The following CDH4 variants were observed in gnomAD, a reference collection of about 807,000 sequenced individuals.
CDH4 encodes the protein cadherin-4.
CDH4 carries 33 observed loss-of-function variants against 86.0 expected under a neutral mutation model. That is an observed-to-expected ratio of 0.38 (90% CI 0.29 to 0.51). The LOEUF is 0.51. Among genes scored for constraint, CDH4 ranks in the 20% least tolerant of loss-of-function variants. The pLI is 0.86. For synonymous variants in CDH4, 555 were observed against 549.4 expected (o/e 1.01, Z -0.14); for missense variants, 1,114 against 1,307.4 (o/e 0.85, Z 2.28).
At chr20:61,795,627 G>C (rs376750046) in intron 4 of CDH4, among the ~76,000 whole-genome samples, 13 of 152,200 alleles carry the variant, frequency 8.5e-5, no homozygotes, top group African/African-American at 2.7e-4. Context: ...AGGGCATCAA[G>C]GCAGAGAGAA....
At chr20:61,775,253 G>T (rs2088824789) in intron 4 of CDH4, among the ~76,000 whole-genome samples, 1 of 152,120 alleles carries the variant, frequency 6.6e-6, no homozygotes, top group Non-Finnish European at 1.5e-5. Context: ...AGGGGCTGAA[G>T]GGTGTGCTGG....
At position 61,635,836 on chromosome 20, in the gene CDH4, C is replaced by T. The variant is rs552562917; in HGVS notation, c.170-107727C>T. Among the ~76,000 whole-genome samples the T allele has an allele frequency of 3.3e-3, 505 of 152,214 alleles. 4 individuals are homozygous for T. Among genetic ancestry groups the T allele is most frequent in the African/African-American group, 0.011 (477 of 41,534 alleles). ...TTCCCCACTGTGCTCCCAGAGCCTGCCCGCCCATAGTTGGTCCTGCTAGAC... is the reference window on the plus strand; with the variant it reads ...TTCCCCACTGTGCTCCCAGAGCCTGTCCGCCCATAGTTGGTCCTGCTAGAC... On this transcript the variant is annotated intron_variant, in intron 2 of 15. Coordinates refer to ENST00000614565, the MANE Select transcript of CDH4 (RefSeq NM_001794.5).
At chr20:61,836,970 G>A (rs1981912614) in intron 4 of CDH4, among the ~76,000 whole-genome samples, 1 of 152,224 alleles carries the variant, frequency 6.6e-6, no homozygotes, top group African/African-American at 2.4e-5. Context: ...GAGGCAGGAA[G>A]GTCACATGAG....
chr20:61,381,966 C>A (rs184805641), intron 2 of CDH4, among the ~76,000 whole-genome samples: 1 of 151,806 alleles, frequency 6.6e-6, no homozygotes, highest in Admixed American at 6.6e-5. Flanking sequence ...ATCCCAGCTA[C>A]TTGGGAGGCT....
chr20:61,337,112 C>T (rs1193595388), intron 2 of CDH4, among the ~76,000 whole-genome samples: 1 of 151,930 alleles, frequency 6.6e-6, no homozygotes, highest in Non-Finnish European at 1.5e-5. Context: ...AGCTGCTTTC[C>T]CTCTCTGAGT....
At chr20:61,520,732 G>T (rs542451355) in intron 2 of CDH4, among the ~76,000 whole-genome samples, 11 of 152,296 alleles carry the variant, frequency 7.2e-5, no homozygotes, top group Admixed American at 3.3e-4. Context: ...GCACGCCAAG[G>T]CTTCCAGGCC....
At chr20:61,429,679 G>A (rs532950680) in intron 2 of CDH4, among the ~76,000 whole-genome samples, 28 of 150,798 alleles carry the variant, frequency 1.9e-4, no homozygotes, top group African/African-American at 6.3e-4. Flanking sequence ...GGATGGATGG[G>A]TGGATAGATG....
chr20:61,856,271 T>C (rs1016405011), intron 6 of CDH4, among the ~76,000 whole-genome samples: 1 of 152,150 alleles, frequency 6.6e-6, no homozygotes, highest in Non-Finnish European at 1.5e-5. Context: ...GGTTAAATAT[T>C]GACTCAGCTC....
chr20:61,699,796 G>A (rs1027432212), intron 2 of CDH4, among the ~76,000 whole-genome samples: 5 of 148,914 alleles, frequency 3.4e-5, no homozygotes, highest in Non-Finnish European at 5.9e-5. Flanking sequence ...CTGACCCGGG[G>A]CTTTCACCGC....
chr20:61,319,458 G>T lies in CDH4; in HGVS notation c.169+64521G>T, dbSNP rs4560189. The stretch of plus-strand genomic sequence containing the variant: ...ACCTTGTGGGCTCATCAAGGCTTCC[G>T]TATCTTGGCTTTGCTGAATAATGCT... On this transcript the variant is annotated intron_variant, in intron 2 of 15. Coordinates refer to ENST00000614565, the MANE Select transcript of CDH4 (RefSeq NM_001794.5). Among the ~76,000 whole-genome samples the T allele has an allele frequency of 2.0e-4, 31 of 152,216 alleles. No homozygotes were observed. The South Asian group carries it at 6.0e-3, about 30-fold the overall frequency.
At chr20:61,383,538 TATATATGAATATATATG>T (rs1396470324) in intron 2 of CDH4, among the ~76,000 whole-genome samples, 1 of 93,926 alleles carries the variant, frequency 1.1e-5, no homozygotes, top group African/African-American at 5.6e-5. Flanking sequence ...TATATATGAA[TATATATGAATATATATG>T]ATATATGATA....
chr20:61,771,822 C>T (rs2088779428), intron 3 of CDH4, among the ~76,000 whole-genome samples: 1 of 152,160 alleles, frequency 6.6e-6, no homozygotes, highest in Admixed American at 6.5e-5. Flanking sequence ...CAGATTTGTG[C>T]TCTGGTATTT....
intron 2 of CDH4, among the ~76,000 whole-genome samples, chr20:61,418,121 C>T (rs1011142398): frequency 2.6e-5 from 4 of 152,126 alleles, no homozygotes; most frequent in African/African-American, 9.6e-5. Context: ...TGGCTTTGTG[C>T]TGGCCCTTTG....
chr20:61,656,102 G>A (rs1028138659), intron 2 of CDH4, among the ~76,000 whole-genome samples: 15 of 152,226 alleles, frequency 9.9e-5, no homozygotes, highest in Non-Finnish European at 1.9e-4. Flanking sequence ...CATGAAGGTG[G>A]TTGAAGACTG....
At position 61,589,764 on chromosome 20, in the gene CDH4, C is replaced by G. The variant is rs902901243; in HGVS notation, c.170-153799C>G. On this transcript the variant is annotated intron_variant, in intron 2 of 15. Transcript: ENST00000614565. ...TAATGTTATCCCTCCCCTCTCCCCC[C>G]ATATTTAACTAACCTGCACATTGTG... Among the ~76,000 whole-genome samples, 6 of 152,030 alleles carry G rather than the reference C, an allele frequency of 3.9e-5. No homozygotes were observed. In the East Asian group the frequency reaches 7.7e-4, roughly 20 times the overall value.
chr20:61,652,339 T>C (rs1159753264), intron 2 of CDH4, among the ~76,000 whole-genome samples: 1 of 127,844 alleles, frequency 7.8e-6, no homozygotes, highest in African/African-American at 2.6e-5. Flanking sequence ...GACCGTACCC[T>C]ACATACTAAA....
chr20:61,326,658 G>A (rs1423420714), intron 2 of CDH4, among the ~76,000 whole-genome samples: 2 of 152,236 alleles, frequency 1.3e-5, no homozygotes, highest in African/African-American at 2.4e-5. Context: ...CTATGTGGCT[G>A]CATGTGGGGT....
Position 61,742,052 on chromosome 20 carries a change from AG to A in CDH4, c.170-1510del, listed in dbSNP as rs2088346066. The stretch of plus-strand genomic sequence containing the variant: ...GATGTCAGAAATGATTGATCCACTA[AG>A]TTGTTGCTGATTTTAATTTGTTTAC... On this transcript the variant is annotated intron_variant, in intron 2 of 15. Transcript: ENST00000614565. Among the ~76,000 whole-genome samples, 2 of 152,094 alleles carry A rather than the reference AG, an allele frequency of 1.3e-5. 1 individual carries two copies. The highest frequency in any genetic ancestry group is 4.2e-4 in the South Asian group (2 of 4,818).
intron 2 of CDH4, among the ~76,000 whole-genome samples, chr20:61,295,268 G>C (rs1311932920): frequency 1.3e-5 from 2 of 152,190 alleles, no homozygotes; most frequent in African/African-American, 4.8e-5. Context: ...CATGTTTACT[G>C]ATGTTTTACA....
Sources: gnomAD v4.1 joint callset for allele counts (sites outside exome capture counted in the v4.1 genomes callset) on GRCh38, gnomAD v4.1.1 for gene constraint, MANE v1.5 for transcripts, NCBI Gene and HGNC (gene_info 2026-07-23, HGNC 2026-07-21) for gene names.